GPC1: variants seen among roughly 807,000 people sequenced by gnomAD.
GPC1 encodes glypican-1.
In GPC1, 26 loss-of-function variants were observed where a neutral mutation model predicts 51.5. The observed-to-expected ratio is 0.50, with a 90% CI of 0.37 to 0.70. The LOEUF is 0.70. Among genes scored for constraint, GPC1 ranks in the 30% least tolerant of loss-of-function variants. GPC1 has a pLI of 0.00. For missense variants in GPC1, 775 were observed against 800.5 expected (o/e 0.97, Z 0.38); for synonymous variants, 380 against 348.3 (o/e 1.09, Z -1.01).
At position 240,462,494 on chromosome 2, in the gene GPC1, G is replaced by C; in HGVS notation, c.629G>C (p.Arg210Pro). 1 of 1,596,296 alleles carries C rather than the reference G, an allele frequency of 6.3e-7. No individual in the cohort carries two copies. Among genetic ancestry groups the C allele is most frequent in the Non-Finnish European group, 8.5e-7 (1 of 1,172,684 alleles). ...TTCGGGGAGGCCCCGAGAGAGCTGC[G>C]CCTGCGGGCCACCCGTGCCTTCGTG... ...RPFGEAPREL[R>P]LRATRAFVAA... The change falls in exon 3 of 9, where the codon CGC (arginine) becomes CCC (proline). Residue 210 changes from arginine (R) to proline (P), a missense_variant. Transcript: ENST00000264039.
chr2:240,462,416 T>A lies in GPC1; in HGVS notation c.551T>A (p.Leu184Gln), dbSNP rs1254174762. 1 of 1,603,908 alleles carries A rather than the reference T, an allele frequency of 6.2e-7. No homozygotes were observed. The highest frequency in any genetic ancestry group is 1.3e-5 in the African/African-American group (1 of 74,728). ...LFKQLHPQLLLPDDYLDCLGK... is the reference protein window; with the variant it reads ...LFKQLHPQLLQPDDYLDCLGK... ...AAGCAGCTGCACCCCCAGCTGCTGCTGCCTGATGACTACCTGGACTGCCTG... is the reference window on the plus strand; with the variant it reads ...AAGCAGCTGCACCCCCAGCTGCTGCAGCCTGATGACTACCTGGACTGCCTG... Residue 184 changes from leucine to glutamine, a missense_variant, in exon 3 of 9, where the codon CTG becomes CAG. By Grantham distance (113) the Leu-to-Gln change is moderately radical. Coordinates refer to ENST00000264039, the MANE Select transcript of GPC1 (RefSeq NM_002081.3).
chr2:240,455,511 A>C (rs1278573938), intron 1 of GPC1, among the ~76,000 whole-genome samples: 1 of 152,176 alleles, frequency 6.6e-6, no homozygotes, highest in Non-Finnish European at 1.5e-5. Context: ...CCTAGGTTGG[A>C]AAATGCCTCC....
At chr2:240,456,649 T>G (rs1227499610) in intron 1 of GPC1, 1 of 470,528 alleles carries the variant, frequency 2.1e-6, no homozygotes, top group South Asian at 1.5e-5. Flanking sequence ...CCTGGATGGG[T>G]GCACAGGGCC....
intron 1 of GPC1, chr2:240,451,636 A>C: frequency 4.4e-6 from 1 of 227,070 alleles, no homozygotes; most frequent in Non-Finnish European, 8.8e-6. Context: ...TACAGCCAAG[A>C]CACCGGGTCC....
chr2:240,441,308 G>A (rs1436632927), intron 1 of GPC1, among the ~76,000 whole-genome samples: 1 of 152,270 alleles, frequency 6.6e-6, no homozygotes, highest in Non-Finnish European at 1.5e-5. Context: ...GCTGGCACTA[G>A]ACAGGAGACG....
intron 1 of GPC1, among the ~76,000 whole-genome samples, chr2:240,455,847 C>T (rs941862894): frequency 6.6e-6 from 1 of 152,192 alleles, no homozygotes. Context: ...TGCGCCGGGC[C>T]GGAGCTCCGC....
intron 1 of GPC1, chr2:240,455,936 A>T: frequency 2.7e-6 from 1 of 372,458 alleles, no homozygotes; most frequent in South Asian, 1.9e-5. Context: ...GGCCGCCTCG[A>T]TCCAGCCTGC....
intron 2 of GPC1, among the ~76,000 whole-genome samples, chr2:240,461,144 G>A (rs1329404513): frequency 1.3e-5 from 2 of 152,186 alleles, no homozygotes; most frequent in South Asian, 2.1e-4. Context: ...CGTTCCAGGC[G>A]CCAGGACCCA....
chr2:240,442,087 C>T (rs1206643881), intron 1 of GPC1, among the ~76,000 whole-genome samples: 3 of 152,198 alleles, frequency 2.0e-5, no homozygotes, highest in Non-Finnish European at 4.4e-5. Context: ...CCGCCAGCTC[C>T]TGCTGACCCA....
Position 240,464,729 on chromosome 2 carries a change from G to A in GPC1, c.997G>A (p.Asp333Asn). Residue 333 changes from aspartate (D) to asparagine (N), a missense_variant, in exon 5 of 9, where the codon GAC becomes AAC. Transcript: ENST00000264039. ...EAINALQDNR[D>N]TLTAKVIQGC... ...CATCAACGCCCTCCAGGACAACAGG[G>A]ACACGCTCACGGCCAAGGTGCGGGC... is the stretch of plus-strand genomic sequence containing the variant. 6.2e-7 allele frequency: 1 copy of A among 1,610,252 alleles called. No homozygotes were observed. The highest frequency in any genetic ancestry group is 8.5e-7 in the Non-Finnish European group (1 of 1,178,688).
chr2:240,458,833 C>T (rs1307806328), intron 1 of GPC1, 197 bp from the exon 2 acceptor site: 7 of 574,818 alleles, frequency 1.2e-5, no homozygotes, highest in African/African-American at 7.5e-5. Context: ...TGGGAAGCTA[C>T]GGGACCGAAG....
chr2:240,457,388 C>T (rs781677876), intron 1 of GPC1: 2 of 463,504 alleles, frequency 4.3e-6, no homozygotes, highest in South Asian at 1.6e-5. Context: ...CTTCTCTTGT[C>T]TCGGGCTCCT....
At chr2:240,450,605 C>T (rs1469242446) in intron 1 of GPC1, 2 of 470,820 alleles carry the variant, frequency 4.2e-6, no homozygotes, top group East Asian at 7.0e-5. Context: ...ACAAGGGAGC[C>T]CTCACCATGT....
At chr2:240,454,578 G>C (rs2074138607) in intron 1 of GPC1, among the ~76,000 whole-genome samples, 1 of 152,366 alleles carries the variant, frequency 6.6e-6, no homozygotes, top group South Asian at 2.1e-4. Context: ...TGCGTGTTGG[G>C]GGGCTGCGGT....
intron 1 of GPC1, among the ~76,000 whole-genome samples, chr2:240,442,907 C>T (rs903450476): frequency 6.6e-6 from 1 of 152,236 alleles, no homozygotes; most frequent in African/African-American, 2.4e-5. Context: ...GTGACCACGC[C>T]CCAGCCTGCC....
chr2:240,465,107 G>A lies in GPC1; in HGVS notation c.1165G>A (p.Val389Ile), dbSNP rs78856284. The change falls in exon 7 of 9, where the codon GTC (valine) becomes ATC (isoleucine). Residue 389 changes from valine to isoleucine, a missense_variant. Coordinates refer to ENST00000264039, the MANE Select transcript of GPC1 (RefSeq NM_002081.3). The part of the protein sequence containing the change: ...VSEAKAQLRD[V>I]QDFWISLPGT... ...CGAAGCCAAGGCCCAGCTCCGCGAC[G>A]TCCAGGACTTCTGGATCAGCCTCCC... 65 of 1,610,854 alleles carry A rather than the reference G, an allele frequency of 4.0e-5. No homozygotes were observed. Among genetic ancestry groups the A allele is most frequent in the Non-Finnish European group, 4.6e-5 (54 of 1,179,272 alleles).
intron 1 of GPC1, among the ~76,000 whole-genome samples, chr2:240,454,367 C>T (rs377121118): frequency 1.3e-4 from 20 of 152,322 alleles, no homozygotes; most frequent in African/African-American, 4.8e-4. Flanking sequence ...CCCCAGGAGG[C>T]TGCTGGACGT....
intron 1 of GPC1, chr2:240,452,245 C>G (rs1413402053): frequency 2.6e-5 from 4 of 152,664 alleles, no homozygotes; most frequent in African/African-American, 9.7e-5. Context: ...CTGGGGGCAC[C>G]TGGGTGGGAG....
chr2:240,435,729 C>A lies in GPC1; in HGVS notation c.-190C>A, dbSNP rs1039633865. On this transcript the variant is annotated 5_prime_UTR_variant, in exon 1 of 9. Coordinates refer to ENST00000264039, the MANE Select transcript of GPC1 (RefSeq NM_002081.3). The stretch of plus-strand genomic sequence containing the variant: ...CCGAGCGAGCGTTCGGACCTCGCAC[C>A]CCGCGCGCCCCGCGCCGCCGCCGCC... The A allele has an allele frequency of 1.9e-4, 51 of 264,130 alleles. No individual in the cohort carries two copies. The highest frequency in any genetic ancestry group is 3.0e-4 in the Non-Finnish European group (44 of 145,276). 16.4% of individuals were successfully genotyped at this position (264,130 alleles called of 1,614,324 possible). A position where few individuals can be genotyped will look rare whatever the true frequency, so the allele number is the denominator to read the frequency against.
Sources: gnomAD v4.1 joint callset for allele counts (sites outside exome capture counted in the v4.1 genomes callset) on GRCh38, gnomAD v4.1.1 for gene constraint, MANE v1.5 for transcripts, NCBI Gene and HGNC (gene_info 2026-07-23, HGNC 2026-07-21) for gene names.